The following MIDN variants were observed in gnomAD, a reference collection of about 807,000 sequenced individuals.
The protein encoded by MIDN is midbrain nucleolar protein.
A neutral mutation model predicts 46.1 loss-of-function variants in MIDN; 26 were observed. The observed-to-expected ratio is 0.56, with a 90% CI of 0.41 to 0.78. The LOEUF (loss-of-function observed/expected upper bound fraction) is 0.78. MIDN is among the 30% of genes least tolerant of loss of function. The pLI, the probability that MIDN is intolerant of heterozygous loss-of-function variation, is 0.00. For missense variants in MIDN, 850 were observed against 771.8 expected, an observed-to-expected ratio of 1.10 and a Z score of -1.20; for synonymous variants, 432 against 343.3, an observed-to-expected ratio of 1.26 and a Z score of -2.86.
At position 1,254,821 on chromosome 19, in the gene MIDN, G is replaced by A. The variant is rs568365070; in HGVS notation, c.826-81G>A. On this transcript the variant is annotated intron_variant, in intron 6 of 8. Coordinates refer to ENST00000682408, the MANE Select transcript of MIDN (RefSeq NM_001388306.1). ...GACAGGTCATCTCCTGACCTGGGCT[G>A]GTGGGTGATCTCTGGTCCCTGGGTT... The A allele has an allele frequency of 8.1e-6, 12 of 1,473,120 alleles. No homozygotes were observed. In the East Asian group the frequency reaches 1.1e-4, roughly 14 times the overall value. 91.3% of individuals were successfully genotyped at this position (1,473,120 alleles called of 1,614,324 possible).
intron 6 of MIDN, 59 bp downstream of exon 6, chr19:1,254,537 G>C: frequency 6.6e-7 from 1 of 1,515,486 alleles, no homozygotes; most frequent in South Asian, 1.2e-5. Flanking sequence ...GGGCCGTCCT[G>C]GGGAGGTCTT....
chr19:1,249,020 G>C (rs1295348732), intron 1 of MIDN, among the ~76,000 whole-genome samples: 1 of 151,972 alleles, frequency 6.6e-6, no homozygotes, highest in East Asian at 1.9e-4. Flanking sequence ...CCTGCCAGGG[G>C]CAGCGCGGCG....
rs766023183 is a variant in MIDN at position 1,254,235 on chromosome 19, C to T, written c.582C>T (p.Phe194=). ...LALRVGDHMM[F]VQLQLAAQHA... is the part of the protein sequence containing the mutation. ...TGCGTGTGGGCGACCACATGATGTT[C>T]GTGCAGCTGCAGCTCGCGGCCCAGC... Residue 194 remains phenylalanine (F), a synonymous_variant, in exon 6 of 9, where the codon TTC becomes TTT. Transcript: ENST00000682408. 1.5e-5 allele frequency: 24 copies of T among 1,596,594 alleles called. No individual in the cohort carries two copies. Among genetic ancestry groups the T allele is most frequent in the South Asian group, 8.9e-5 (8 of 90,356 alleles).
chr19:1,249,321 C>T (rs1220054179), intron 1 of MIDN, among the ~76,000 whole-genome samples: 1 of 150,192 alleles, frequency 6.7e-6, no homozygotes, highest in Non-Finnish European at 1.5e-5. Flanking sequence ...GCGGCCCTAG[C>T]CTCACCGTCG....
Position 1,254,203 on chromosome 19 carries a change from C to A in MIDN, c.550C>A (p.Leu184Met). The A allele has an allele frequency of 1.3e-6, 2 of 1,599,080 alleles. No homozygotes were observed. The highest frequency in any genetic ancestry group is 1.7e-6 in the Non-Finnish European group (2 of 1,178,008). ...CCTGTCGGGCCGTTCGCCACTGACA[C>A]TGGCCTTGCGTGTGGGCGACCACAT... Reference protein sequence around the residue: ...DFLSGRSPLTLALRVGDHMMF... With the variant: ...DFLSGRSPLTMALRVGDHMMF... Residue 184 changes from leucine (L) to methionine (M), a missense_variant, in exon 6 of 9, where the codon CTG becomes ATG. Leu to Met is a conservative substitution (Grantham distance 15). Transcript: ENST00000682408.
intron 1 of MIDN, among the ~76,000 whole-genome samples, chr19:1,249,538 G>A (rs1204016860): frequency 6.7e-6 from 1 of 149,306 alleles, no homozygotes. Flanking sequence ...CCTGGGTCCC[G>A]CGCCCCCCGG....
At chr19:1,252,510 G>T (rs2081143849) in intron 4 of MIDN, among the ~76,000 whole-genome samples, 1 of 152,230 alleles carries the variant, frequency 6.6e-6, no homozygotes, top group African/African-American at 2.4e-5. Context: ...GGAGGCTGGG[G>T]CTGGCCCTCA....
chr19:1,250,556 C>G, intron 2 of MIDN, 27 bp downstream of exon 2: 1 of 1,148,062 alleles, frequency 8.7e-7, no homozygotes, highest in Non-Finnish European at 1.1e-6. Context: ...CCCGGCCGGC[C>G]GCCCCCTCGG....
rs373707840 is a variant in MIDN at position 1,257,517 on chromosome 19, T to TTCCTCCTCCTCC, written c.*255_*266dup. 1.0e-3 allele frequency: 406 copies of TTCCTCCTCCTCC among 406,700 alleles called. 6 individuals are homozygous for TTCCTCCTCCTCC. The East Asian group carries it at 0.015, about 15-fold the overall frequency. The allele number at this position is 406,700 out of a possible 1,614,324, so 25.2% of individuals were successfully genotyped here. On this transcript the variant is annotated 3_prime_UTR_variant, in exon 9 of 9. Transcript: ENST00000682408. ...TTCACCCTTCACTCCTGCCCTCCTC[T>TTCCTCCTCCTCC]TCCTCCTCCTCCTCCTCCTCCGTCT...
chr19:1,256,941 C>G, intron 8 of MIDN, 54 bp from the exon 9 acceptor site: 1 of 1,597,488 alleles, frequency 6.3e-7, no homozygotes, highest in South Asian at 1.1e-5. Context: ...GGGTGGTCCT[C>G]TGTGTTCAGC....
At chr19:1,253,047 A>AGGGG (rs1375082478) in intron 4 of MIDN, among the ~76,000 whole-genome samples, 1 of 141,756 alleles carries the variant, frequency 7.1e-6, no homozygotes, top group African/African-American at 2.7e-5. Flanking sequence ...GGGGGGCTGG[A>AGGGG]GGGGGTGCTG....
chr19:1,250,616 G>T, intron 2 of MIDN, 87 bp downstream of exon 2: 4 of 710,698 alleles, frequency 5.6e-6, no homozygotes, highest in Non-Finnish European at 5.4e-6. Flanking sequence ...GGGAAGGCAG[G>T]GGGCGGCCAG....
At chr19:1,256,966 G>T in intron 8 of MIDN, 29 bp from the exon 9 acceptor site, 1 of 1,603,170 alleles carries the variant, frequency 6.2e-7, no homozygotes, top group East Asian at 2.2e-5. Context: ...GGAGGCTTTG[G>T]GAGTCACAGG....
At chr19:1,248,940 G>A (rs1275256585) in intron 1 of MIDN, among the ~76,000 whole-genome samples, 1 of 151,956 alleles carries the variant, frequency 6.6e-6, no homozygotes, top group South Asian at 2.1e-4. Flanking sequence ...CACGGTCCCA[G>A]TCTCCCGACT....
intron 1 of MIDN, among the ~76,000 whole-genome samples, chr19:1,249,217 C>T (rs1339453313): frequency 2.0e-5 from 3 of 148,000 alleles, no homozygotes; most frequent in African/African-American, 4.9e-5. Flanking sequence ...GCGCGCGGGG[C>T]CCCCGGCGGC....
intron 2 of MIDN, among the ~76,000 whole-genome samples, chr19:1,250,821 C>T (rs2081116796): frequency 6.6e-6 from 1 of 151,878 alleles, no homozygotes; most frequent in Non-Finnish European, 1.5e-5. Flanking sequence ...GTGTGGGGGC[C>T]GCCACCGCCC....
chr19:1,256,849 T>A (rs1457524007), intron 8 of MIDN, 146 bp from the exon 9 acceptor site: 4 of 1,191,440 alleles, frequency 3.4e-6, no homozygotes, highest in Admixed American at 2.5e-5. Context: ...GCATGGTGGA[T>A]GTCCTTGACT....
Position 1,258,527 on chromosome 19 carries a change from T to C in MIDN, c.*1255T>C, listed in dbSNP as rs976433143. ...TTTTTTCCCCACTCACTTTTTATTT[T>C]TTAATGATAATGGAGATGTCTGGAC... On this transcript the variant is annotated 3_prime_UTR_variant, in exon 9 of 9. Coordinates refer to ENST00000682408, the MANE Select transcript of MIDN (RefSeq NM_001388306.1). The C allele has an allele frequency of 1.3e-5, 2 of 152,464 alleles. No individual in the cohort carries two copies. The highest frequency in any genetic ancestry group is 4.8e-5 in the African/African-American group (2 of 41,438). The allele number at this position is 152,464 out of a possible 1,614,324, so 9.4% of individuals were successfully genotyped here. A position where few individuals can be genotyped will look rare whatever the true frequency, so the allele number is the denominator to read the frequency against.
chr19:1,252,890 G>A (rs2081149448), intron 4 of MIDN, among the ~76,000 whole-genome samples: 1 of 152,186 alleles, frequency 6.6e-6, no homozygotes, highest in South Asian at 2.1e-4. Context: ...GGGGTCCCGA[G>A]CCAGGGCGGG....
Sources: gnomAD v4.1 joint callset for allele counts (sites outside exome capture counted in the v4.1 genomes callset) on GRCh38, gnomAD v4.1.1 for gene constraint, MANE v1.5 for transcripts, NCBI Gene and HGNC (gene_info 2026-07-23, HGNC 2026-07-21) for gene names.